The following ANO2 variants were observed in gnomAD, a reference collection of about 807,000 sequenced individuals.
ANO2 encodes anoctamin-2.
ANO2 carries 101 observed loss-of-function variants against 124.2 expected under a neutral mutation model. The observed-to-expected ratio is 0.81, with a 90% confidence interval of 0.69 to 0.96. The LOEUF (loss-of-function observed/expected upper bound fraction) is 0.96, where lower values mean the gene tolerates loss of function less well. Among genes scored for constraint, ANO2 ranks in the 40% least tolerant of loss-of-function variants. The pLI is 0.00. For synonymous variants in ANO2, 486 were observed against 482.5 expected, an observed-to-expected ratio of 1.01 and a Z score of -0.09; for missense variants, 1,293 against 1,274.5, an observed-to-expected ratio of 1.01 and a Z score of -0.22.
chr12:5,919,557 GC>G (rs1338473884), intron 3 of ANO2, among the ~76,000 whole-genome samples: 1 of 151,904 alleles, frequency 6.6e-6, no homozygotes, highest in African/African-American at 2.4e-5. Flanking sequence ...AGGTCAAGGT[GC>G]CCAAAGCAGA....
At chr12:5,929,119 T>C (rs1348735130) in intron 1 of ANO2, among the ~76,000 whole-genome samples, 2 of 79,894 alleles carry the variant, frequency 2.5e-5, no homozygotes, top group Non-Finnish European at 5.0e-5. Context: ...GTCTGTCTTC[T>C]TTCCTTACTC....
intron 14 of ANO2, among the ~76,000 whole-genome samples, chr12:5,704,133 G>A (rs1949511260): frequency 6.6e-6 from 1 of 152,158 alleles, no homozygotes; most frequent in Non-Finnish European, 1.5e-5. Context: ...GATTGGGTGT[G>A]GGGGTGGGGA....
chr12:5,829,855 T>C (rs370401431), intron 6 of ANO2, among the ~76,000 whole-genome samples: 19 of 152,310 alleles, frequency 1.2e-4, no homozygotes, highest in Non-Finnish European at 2.2e-4. Context: ...AAAACGACTG[T>C]AGAAGAAGAG....
intron 7 of ANO2, among the ~76,000 whole-genome samples, chr12:5,812,617 G>A (rs554044261): frequency 5.6e-5 from 8 of 142,642 alleles, no homozygotes; most frequent in Non-Finnish European, 9.1e-5. Flanking sequence ...GAAGGAAGGT[G>A]GAAGGAAAGA....
At chr12:5,827,673 T>G in intron 7 of ANO2, 96 bp downstream of exon 7, 1 of 1,410,966 alleles carries the variant, frequency 7.1e-7, no homozygotes, top group Non-Finnish European at 9.7e-7. Context: ...TTTGCTTGTT[T>G]TGTTCTTTGC....
At chr12:5,913,950 T>C (rs1356846999) in intron 3 of ANO2, among the ~76,000 whole-genome samples, 1 of 152,050 alleles carries the variant, frequency 6.6e-6, no homozygotes, top group Non-Finnish European at 1.5e-5. Context: ...TTTAAGAAAG[T>C]GAAGCCTTTG....
At chr12:5,896,696 T>C (rs1490617714) in intron 3 of ANO2, among the ~76,000 whole-genome samples, 1 of 152,216 alleles carries the variant, frequency 6.6e-6, no homozygotes, top group Non-Finnish European at 1.5e-5. Context: ...AATTTCCTCA[T>C]GAAGGAGAGA....
rs1940525682 is a variant in ANO2 at position 5,904,314 on chromosome 12, T to C, written c.534+16726A>G. ...CCTGCTGGTGCCCAATACACCACCA[T>C]TCACCTAAGGCTTTGATCCCTGAGA... On this transcript the variant is annotated intron_variant, in intron 3 of 24. Transcript: ENST00000682330. The surrounding 1 kb of genome is among the most constrained non-coding windows in gnomAD (Gnocchi z 4.1). Among the ~76,000 whole-genome samples, 1 of 152,182 alleles carries C rather than the reference T, an allele frequency of 6.6e-6. No homozygotes were observed. Among genetic ancestry groups the C allele is most frequent in the Admixed American group, 6.5e-5 (1 of 15,278 alleles).
intron 19 of ANO2, among the ~76,000 whole-genome samples, chr12:5,602,033 T>TC (rs1459681604): frequency 6.6e-6 from 1 of 152,162 alleles, no homozygotes; most frequent in African/African-American, 2.4e-5. Flanking sequence ...CGCCAATGGC[T>TC]CTGTACGCAT....
At chr12:5,777,883 C>A (rs183723318) in intron 10 of ANO2, among the ~76,000 whole-genome samples, 3 of 152,254 alleles carry the variant, frequency 2.0e-5, no homozygotes, top group Admixed American at 2.0e-4. Context: ...AAGAAATAGC[C>A]CCCAAATGTC....
chr12:5,609,966 T>A (rs952800721), intron 19 of ANO2, among the ~76,000 whole-genome samples: 9 of 143,668 alleles, frequency 6.3e-5, no homozygotes, highest in African/African-American at 2.3e-4. Context: ...TACATACATT[T>A]ATGTATAAAT....
intron 13 of ANO2, 120 bp downstream of exon 13, chr12:5,739,197 G>A (rs1950993215): frequency 1.0e-6 from 1 of 994,892 alleles, no homozygotes; most frequent in Non-Finnish European, 1.6e-6. Flanking sequence ...GGCAGCCACT[G>A]TGAGATCCAG....
chr12:5,624,693 A>G (rs533601469), intron 16 of ANO2, among the ~76,000 whole-genome samples: 50 of 152,296 alleles, frequency 3.3e-4, no homozygotes, highest in Non-Finnish European at 1.5e-4. Context: ...AGTGGTGGAC[A>G]ATCCAATCAG....
chr12:5,581,517 G>A (rs1221574944), intron 20 of ANO2, among the ~76,000 whole-genome samples: 2 of 152,188 alleles, frequency 1.3e-5, no homozygotes, highest in East Asian at 1.9e-4. Flanking sequence ...AGGCAGACAT[G>A]AATGCTGTCT....
chr12:5,564,207 G>T (rs1475388878), intron 24 of ANO2, among the ~76,000 whole-genome samples: 1 of 152,230 alleles, frequency 6.6e-6, no homozygotes, highest in Non-Finnish European at 1.5e-5. Context: ...CCTGCATCCA[G>T]CTTGCCCCGA....
intron 4 of ANO2, among the ~76,000 whole-genome samples, chr12:5,835,309 A>G (rs1235722198): frequency 1.3e-5 from 2 of 152,176 alleles, no homozygotes; most frequent in Non-Finnish European, 2.9e-5. Context: ...GCAGATCTCC[A>G]TGAAACTCAG....
At chr12:5,748,654 A>G (rs1951341630) in intron 11 of ANO2, among the ~76,000 whole-genome samples, 1 of 152,138 alleles carries the variant, frequency 6.6e-6, no homozygotes, top group Non-Finnish European at 1.5e-5. Flanking sequence ...GGATCAAAGA[A>G]ACTAGTTTAT....
At chr12:5,609,525 A>G (rs900910869) in intron 19 of ANO2, among the ~76,000 whole-genome samples, 3 of 152,158 alleles carry the variant, frequency 2.0e-5, no homozygotes, top group African/African-American at 4.8e-5. Flanking sequence ...AACTGTCTCC[A>G]TTATAACTTT....
At chr12:5,716,444 C>T (rs1222245281) in intron 14 of ANO2, among the ~76,000 whole-genome samples, 1 of 152,150 alleles carries the variant, frequency 6.6e-6, no homozygotes, top group African/African-American at 2.4e-5. Flanking sequence ...GGTCACTTCC[C>T]TTAAAATAAC....
Sources: allele counts gnomAD v4.1 joint callset (sites outside exome capture counted in the v4.1 genomes callset), GRCh38; gene constraint gnomAD v4.1.1; non-coding constraint Gnocchi (gnomAD v3.1); transcripts MANE v1.5; gene names NCBI Gene and HGNC (gene_info 2026-07-23, HGNC 2026-07-21).